The following RALGAPA2 variants were observed in gnomAD, a reference collection of about 807,000 sequenced individuals.
RALGAPA2 encodes Ral GTPase activating protein catalytic subunit alpha 2.
A neutral mutation model predicts 230.4 loss-of-function variants in RALGAPA2; 139 were observed. That is an observed-to-expected ratio of 0.60 (90% CI 0.53 to 0.69). The LOEUF is 0.69. Among genes scored for constraint, RALGAPA2 ranks in the 30% least tolerant of loss-of-function variants. RALGAPA2 has a pLI of 0.00. For synonymous variants in RALGAPA2, 847 were observed against 837.8 expected, an observed-to-expected ratio of 1.01 and a Z score of -0.19; for missense variants, 2,163 against 2,276.0, an observed-to-expected ratio of 0.95 and a Z score of 1.01.
intron 4 of RALGAPA2, among the ~76,000 whole-genome samples, chr20:20,648,570 G>A (rs545852598): frequency 1.8e-4 from 28 of 151,880 alleles, no homozygotes; most frequent in African/African-American, 5.8e-4. Context: ...AAGATCAGGC[G>A]ACCTGGAAGT....
intron 37 of RALGAPA2, among the ~76,000 whole-genome samples, chr20:20,463,439 G>A (rs149195739): frequency 4.2e-4 from 64 of 152,202 alleles, no homozygotes; most frequent in South Asian, 1.5e-3. Flanking sequence ...CAAAGGAGCC[G>A]TGTGATATAA....
chr20:20,545,796 T>C (rs1437513461), intron 24 of RALGAPA2, among the ~76,000 whole-genome samples: 1 of 152,252 alleles, frequency 6.6e-6, no homozygotes, highest in Non-Finnish European at 1.5e-5. Context: ...CCATGTGCAG[T>C]GGCTCACACC....
At chr20:20,451,613 C>G (rs1048544744) in intron 37 of RALGAPA2, among the ~76,000 whole-genome samples, 7 of 151,982 alleles carry the variant, frequency 4.6e-5, no homozygotes, top group Non-Finnish European at 8.8e-5. Flanking sequence ...ATAAAAGAAC[C>G]AATATTTTGA....
intron 36 of RALGAPA2, among the ~76,000 whole-genome samples, chr20:20,488,483 T>G (rs1184524425): frequency 6.6e-6 from 1 of 152,262 alleles, no homozygotes; most frequent in East Asian, 1.9e-4. Context: ...TGATAAGGTG[T>G]GCTTCTCTGT....
At chr20:20,622,752 C>T (rs2066361494) in intron 10 of RALGAPA2, among the ~76,000 whole-genome samples, 1 of 151,652 alleles carries the variant, frequency 6.6e-6, no homozygotes, top group South Asian at 2.1e-4. Context: ...CAATAAAATG[C>T]AATAAAAAGA....
chr20:20,402,862 A>G (rs8120596), intron 38 of RALGAPA2, among the ~76,000 whole-genome samples: 6,298 of 152,182 alleles, frequency 0.041, 455 homozygotes, highest in African/African-American at 0.14. Context: ...AGCAAGAGCC[A>G]AGGTCTTGCC....
Position 20,571,866 on chromosome 20 carries a change from A to G in RALGAPA2, c.2982T>C (p.Phe994=). The part of the protein sequence containing the change: ...PPVLIPPLRM[F]ASWLFKAATL... The stretch of plus-strand genomic sequence containing the variant: ...CACTTGCCTTAAACAGCCATGATGC[A>G]AACATTCTGAGTGGTGGGATCAAAA... The change falls in exon 22 of 40, where the codon TTT becomes TTC. Residue 994 remains phenylalanine, a synonymous_variant. Transcript: ENST00000202677. 1 of 1,610,690 alleles carries G rather than the reference A, an allele frequency of 6.2e-7. No individual in the cohort carries two copies. The highest frequency in any genetic ancestry group is 8.5e-7 in the Non-Finnish European group (1 of 1,177,842).
At chr20:20,450,285 A>G (rs2060958882) in intron 37 of RALGAPA2, among the ~76,000 whole-genome samples, 1 of 152,156 alleles carries the variant, frequency 6.6e-6, no homozygotes, top group Non-Finnish European at 1.5e-5. Flanking sequence ...TAAACTTAAT[A>G]TTTTCACTGC....
intron 14 of RALGAPA2, among the ~76,000 whole-genome samples, chr20:20,610,030 A>G (rs2065931944): frequency 6.6e-6 from 1 of 152,234 alleles, no homozygotes; most frequent in African/African-American, 2.4e-5. Flanking sequence ...ATCTTGTGTT[A>G]CAATGGCAAT....
intron 12 of RALGAPA2, among the ~76,000 whole-genome samples, chr20:20,616,396 C>T (rs527579998): frequency 6.6e-6 from 1 of 152,008 alleles, no homozygotes; most frequent in Non-Finnish European, 1.5e-5. Context: ...AATACAGAGA[C>T]ACCTGAAAAG....
intron 10 of RALGAPA2, among the ~76,000 whole-genome samples, chr20:20,627,563 G>T (rs1450972853): frequency 1.3e-5 from 2 of 152,154 alleles, no homozygotes; most frequent in Non-Finnish European, 2.9e-5. Context: ...GATTAGTTAG[G>T]TCTAAAAGCC....
At chr20:20,662,837 G>A (rs1182813039) in intron 3 of RALGAPA2, among the ~76,000 whole-genome samples, 1 of 150,674 alleles carries the variant, frequency 6.6e-6, no homozygotes, top group African/African-American at 2.5e-5. Context: ...CACTTCCAAA[G>A]GGAGAACACC....
intron 33 of RALGAPA2, among the ~76,000 whole-genome samples, chr20:20,509,884 T>C (rs769503459): frequency 2.2e-4 from 33 of 152,198 alleles, no homozygotes; most frequent in Admixed American, 5.9e-4. Context: ...CTTTCTGAAA[T>C]ATAATCTTCC....
chr20:20,417,725 C>G (rs1308611351), intron 37 of RALGAPA2, among the ~76,000 whole-genome samples: 4 of 152,194 alleles, frequency 2.6e-5, no homozygotes, highest in Non-Finnish European at 4.4e-5. Flanking sequence ...GAAATTTATT[C>G]TCTTACGTCA....
intron 37 of RALGAPA2, among the ~76,000 whole-genome samples, chr20:20,414,529 G>A (rs1349559477): frequency 1.3e-5 from 2 of 152,048 alleles, no homozygotes; most frequent in East Asian, 1.9e-4. Flanking sequence ...GACCCCAGAC[G>A]GCAGCCCACC....
chr20:20,465,472 G>A (rs1345673026), intron 37 of RALGAPA2, among the ~76,000 whole-genome samples: 1 of 152,170 alleles, frequency 6.6e-6, no homozygotes, highest in Non-Finnish European at 1.5e-5. Context: ...CCCTATGATG[G>A]TTGGTAGTGA....
chr20:20,441,125 A>G (rs1267965106), intron 37 of RALGAPA2, among the ~76,000 whole-genome samples: 3 of 152,224 alleles, frequency 2.0e-5, no homozygotes, highest in African/African-American at 7.2e-5. Context: ...AACAAACAAA[A>G]GCCGAATTTA....
At position 20,541,582 on chromosome 20, in the gene RALGAPA2, C is replaced by A. The variant is rs1435570784; in HGVS notation, c.3286-4798G>T. ...TGGATCCACTGGACAAAGCAATGAT[C>A]CATGTCCCGGGCAGGATGGGCCAGG... On this transcript the variant is annotated intron_variant, in intron 24 of 39. Transcript: ENST00000202677. Among the ~76,000 whole-genome samples, 4 of 152,270 alleles carry A rather than the reference C, an allele frequency of 2.6e-5. No homozygotes were observed. The East Asian group carries it at 7.7e-4, about 29-fold the overall frequency.
At chr20:20,705,958 C>T (rs1212676811) in intron 1 of RALGAPA2, among the ~76,000 whole-genome samples, 1 of 152,186 alleles carries the variant, frequency 6.6e-6, no homozygotes, top group Non-Finnish European at 1.5e-5. Flanking sequence ...TGAGCCACCG[C>T]ACCCCGCCAA....
Sources: gnomAD v4.1 joint callset for allele counts (sites outside exome capture counted in the v4.1 genomes callset) on GRCh38, gnomAD v4.1.1 for gene constraint, MANE v1.5 for transcripts, NCBI Gene and HGNC (gene_info 2026-07-23, HGNC 2026-07-21) for gene names.